Variants in ABCB1 observed in about 807,000 individuals in gnomAD.
ABCB1 encodes ATP-dependent translocase ABCB1.
In ABCB1, 69 loss-of-function variants were observed where a neutral mutation model predicts 142.0. The observed-to-expected ratio is 0.49, with a 90% CI of 0.40 to 0.59. The LOEUF (loss-of-function observed/expected upper bound fraction) is 0.59, where lower values mean the gene tolerates loss of function less well. Ranked by LOEUF, ABCB1 falls within the 20% of genes least tolerant of loss-of-function variation. The probability of loss-of-function intolerance (pLI) is 0.00; values close to 1 mark genes in which losing one functional copy is unlikely to be tolerated. For missense variants in ABCB1, 1,326 were observed against 1,554.7 expected, an observed-to-expected ratio of 0.85 and a Z score of 2.47; for synonymous variants, 532 against 539.2, an observed-to-expected ratio of 0.99 and a Z score of 0.18.
In ABCB1 at chr7:87,550,018, C is replaced by A. The variant is rs559003378; in HGVS notation, c.1387G>T (p.Val463Leu). 1.2e-6 allele frequency: 2 copies of A among 1,614,232 alleles called. No individual in the cohort carries two copies. Among genetic ancestry groups the A allele is most frequent in the Admixed American group, 1.7e-5 (1 of 60,030 alleles). Reference protein sequence around the residue: ...VDGQDIRTINVRFLREIIGVV... With the variant: ...VDGQDIRTINLRFLREIIGVV... ...CCAATGATTTCCCGTAGAAACCTTA[C>A]ATTTATGGTCCTAATATCCTGTCCA... The change falls in exon 13 of 28, where the codon GTA becomes TTA. Residue 463 changes from valine to leucine, a missense_variant. Transcript: ENST00000622132.
intron 1 of ABCB1, among the ~76,000 whole-genome samples, chr7:87,696,338 A>C (rs907815972): frequency 1.3e-5 from 2 of 152,162 alleles, no homozygotes; most frequent in African/African-American, 4.8e-5. Context: ...TTTTAAAGGC[A>C]TGAGTAGCTT....
At chr7:87,658,334 A>C (rs1274651764) in intron 1 of ABCB1, among the ~76,000 whole-genome samples, 1 of 152,170 alleles carries the variant, frequency 6.6e-6, no homozygotes, top group East Asian at 1.9e-4. Flanking sequence ...AAACAATAGA[A>C]ATTTCCTAAT....
chr7:87,511,823 G>C lies in ABCB1; in HGVS notation c.3283-2342C>G, dbSNP rs115973428. 5.0e-3 allele frequency among the ~76,000 whole-genome samples: 759 copies of C among 152,322 alleles called. 4 individuals are homozygous for C. The highest frequency in any genetic ancestry group is 0.017 in the African/African-American group (724 of 41,570). ...TCAGGCACTTCTTGGGTTATAACCA[G>C]ACAATGACAAGCAGCTTCTAATTGT... On this transcript the variant is annotated intron_variant, in intron 25 of 27. Transcript: ENST00000622132.
chr7:87,702,265 T>C (rs1477833822), intron 1 of ABCB1, among the ~76,000 whole-genome samples: 2 of 150,632 alleles, frequency 1.3e-5, no homozygotes, highest in Non-Finnish European at 3.0e-5. Context: ...GGGTTTATTG[T>C]TTTATTTTAT....
In ABCB1 at chr7:87,519,336, C is replaced by T. The variant is rs748995428; in HGVS notation, c.2917G>A (p.Asp973Asn). 8 of 1,614,020 alleles carry T rather than the reference C, an allele frequency of 5.0e-6. No individual in the cohort carries two copies. In the South Asian group the frequency reaches 7.7e-5, roughly 16 times the overall value. Residue 973 changes from aspartate to asparagine, a missense_variant, in exon 23 of 28, where the codon GAT becomes AAT. By Grantham distance (23) the Asp-to-Asn change is conservative (BLOSUM62 1). Transcript: ENST00000622132. ...LVAHKLMSFE[D>N]VLLVFSAVVF... ...TAGCCCAATACTTACAACAGAACAT[C>T]CTCAAAGCTCATGAGTTTATGTGCC...
At chr7:87,695,854 A>C (rs1351695711) in intron 1 of ABCB1, among the ~76,000 whole-genome samples, 2 of 152,118 alleles carry the variant, frequency 1.3e-5, no homozygotes, top group Non-Finnish European at 2.9e-5. Flanking sequence ...GCAAAGTGTA[A>C]ATAGATATCT....
chr7:87,588,801 C>T (rs567810368), intron 3 of ABCB1, among the ~76,000 whole-genome samples: 1 of 152,342 alleles, frequency 6.6e-6, no homozygotes, highest in Non-Finnish European at 1.5e-5. Flanking sequence ...TCTCCACAAT[C>T]TTGCCAGCAT....
upstream of ABCB1, among the ~76,000 whole-genome samples, chr7:87,601,388 A>G (rs1223595703): frequency 2.0e-5 from 3 of 152,220 alleles, no homozygotes; most frequent in Non-Finnish European, 4.4e-5. Flanking sequence ...TTGATGATAA[A>G]TGGAATGAAA....
At chr7:87,637,288 C>G (rs1253284640) in intron 1 of ABCB1, among the ~76,000 whole-genome samples, 2 of 152,140 alleles carry the variant, frequency 1.3e-5, no homozygotes, top group South Asian at 2.1e-4. Flanking sequence ...GTCTATTTGT[C>G]TCTCCTGAGC....
In ABCB1 at chr7:87,561,520, C is replaced by T. The variant is rs1037090561; in HGVS notation, c.703-133G>A. 6.6e-6 allele frequency: 6 copies of T among 908,664 alleles called. No homozygotes were observed. In the Admixed American group the frequency reaches 1.5e-4, roughly 22 times the overall value. 56.3% of individuals were successfully genotyped at this position (908,664 alleles called of 1,614,324 possible). A position where few individuals can be genotyped will look rare whatever the true frequency, so the allele number is the denominator to read the frequency against. ...TAGAGCAAAATCTGTCTTTTACTTGCCTTTGGTCTGTATTAACAGCCACTG... is the reference window on the plus strand; with the variant it reads ...TAGAGCAAAATCTGTCTTTTACTTGTCTTTGGTCTGTATTAACAGCCACTG... On this transcript the variant is annotated intron_variant, in intron 7 of 27. Coordinates refer to ENST00000622132, the MANE Select transcript of ABCB1 (RefSeq NM_001348946.2).
At chr7:87,647,017 T>C (rs1823073277) in intron 1 of ABCB1, among the ~76,000 whole-genome samples, 3 of 152,326 alleles carry the variant, frequency 2.0e-5, no homozygotes, top group Admixed American at 2.0e-4. Context: ...TGAACATTAA[T>C]CTATCTCAGC....
chr7:87,700,637 C>G, intron 1 of ABCB1: 1 of 1,273,624 alleles, frequency 7.9e-7, no homozygotes, highest in Middle Eastern at 1.9e-4. Flanking sequence ...AAGCTACTTA[C>G]TATGAATTTC....
intron 4 of ABCB1, among the ~76,000 whole-genome samples, chr7:87,575,036 T>C (rs761403248): frequency 3.3e-5 from 5 of 152,198 alleles, no homozygotes; most frequent in Non-Finnish European, 7.3e-5. Flanking sequence ...TCTCCTACTT[T>C]GTATACAAGT....
rs762047876 is a variant in ABCB1 at position 87,519,397 on chromosome 7, G to C, written c.2856C>G (p.Ser952=). 2 of 1,614,100 alleles carry C rather than the reference G, an allele frequency of 1.2e-6. No individual in the cohort carries two copies. The highest frequency in any genetic ancestry group is 3.3e-5 in the Admixed American group (2 of 60,022). The change falls in exon 23 of 28, where the codon TCC becomes TCG. Residue 952 remains serine (S), a synonymous_variant. Transcript: ENST00000622132. ...CTCCAAACCGGAAACATCCAGCATA[G>C]GAAAAATACATCATTGCCTGGGTGA... is the stretch of plus-strand genomic sequence containing the variant. ...FSFTQAMMYF[S]YAGCFRFGAY... is the part of the protein sequence containing the mutation.
chr7:87,563,834 A>AT (rs1489453258), intron 7 of ABCB1, among the ~76,000 whole-genome samples: 4 of 152,092 alleles, frequency 2.6e-5, no homozygotes, highest in Non-Finnish European at 4.4e-5. Flanking sequence ...CTATGCAGCC[A>AT]TAAAAAAAAT....
chr7:87,510,933 G>C lies in ABCB1; in HGVS notation c.3283-1452C>G, dbSNP rs1009146471. On this transcript the variant is annotated intron_variant, in intron 25 of 27. Coordinates refer to ENST00000622132, the MANE Select transcript of ABCB1 (RefSeq NM_001348946.2). ...TCTTGTTAGATAAAACACTGTACTT[G>C]AGAAGTGGAAATTTAAGGAAAGGAG... Among the ~76,000 whole-genome samples, 12 of 152,280 alleles carry C rather than the reference G, an allele frequency of 7.9e-5. No individual in the cohort carries two copies. The East Asian group carries it at 1.7e-3, about 22-fold the overall frequency.
chr7:87,668,253 G>C (rs1202094947), intron 1 of ABCB1, among the ~76,000 whole-genome samples: 4 of 151,796 alleles, frequency 2.6e-5, no homozygotes, highest in Non-Finnish European at 5.9e-5. Flanking sequence ...ATCTCTTCTA[G>C]GTTTTCTAGT....
chr7:87,534,304 C>T (rs1452186202), intron 20 of ABCB1, among the ~76,000 whole-genome samples: 1 of 152,170 alleles, frequency 6.6e-6, no homozygotes, highest in Non-Finnish European at 1.5e-5. Flanking sequence ...GGGTCTGTGT[C>T]ATATTGTGCA....
At chr7:87,544,401 C>A in intron 16 of ABCB1, 126 bp from the exon 17 acceptor site, 1 of 1,001,512 alleles carries the variant, frequency 1.0e-6, no homozygotes, top group Non-Finnish European at 1.5e-6. Flanking sequence ...TAAGTGATGA[C>A]AATTTTGCTT....
Sources: gnomAD v4.1 joint callset for allele counts (sites outside exome capture counted in the v4.1 genomes callset) on GRCh38, gnomAD v4.1.1 for gene constraint, MANE v1.5 for transcripts, NCBI Gene and HGNC (gene_info 2026-07-23, HGNC 2026-07-21) for gene names.